Variants in IMMP2L observed in about 807,000 individuals in gnomAD.
IMMP2L encodes the protein inner mitochondrial membrane peptidase subunit 2.
Under a neutral mutation model 19.3 loss-of-function variants are expected in IMMP2L, and 18 were observed. The ratio of observed to expected loss-of-function variants is 0.93; its 90% CI spans 0.64 to 1.38. IMMP2L has a LOEUF of 1.38. Ranked by LOEUF, IMMP2L falls within the 40% of genes most tolerant of loss-of-function variation. The pLI is 0.00. For missense variants in IMMP2L, 233 were observed against 218.2 expected (o/e 1.07, Z -0.43); for synonymous variants, 76 against 73.0 (o/e 1.04, Z -0.21).
At chr7:111,403,974 C>T (rs943167477) in intron 3 of IMMP2L, among the ~76,000 whole-genome samples, 3 of 151,922 alleles carry the variant, frequency 2.0e-5, no homozygotes, top group South Asian at 4.2e-4. Context: ...TTGGAACAAC[C>T]CCCCCACAAA....
chr7:111,419,451 G>A (rs996338428), intron 3 of IMMP2L, among the ~76,000 whole-genome samples: 1 of 151,580 alleles, frequency 6.6e-6, no homozygotes, highest in African/African-American at 2.4e-5. Flanking sequence ...GAACTGCTTA[G>A]GACAAACCTG....
At chr7:110,985,802 T>C (rs1235509837) in intron 3 of IMMP2L, among the ~76,000 whole-genome samples, 5 of 152,070 alleles carry the variant, frequency 3.3e-5, no homozygotes, top group African/African-American at 1.2e-4. Context: ...TTGACAGAAA[T>C]TGAATGTCAT....
At chr7:111,192,278 A>C (rs2129613277) in intron 3 of IMMP2L, among the ~76,000 whole-genome samples, 1 of 152,252 alleles carries the variant, frequency 6.6e-6, no homozygotes, top group Middle Eastern at 3.4e-3. Context: ...TCAAGGCCAA[A>C]TATTTAAAAT....
rs214462 is a variant in IMMP2L, at chr7:111,213,923, G to C, written c.240-250358C>G. Among the ~76,000 whole-genome samples, 70,879 of 151,882 alleles carry C rather than the reference G, an allele frequency of 0.47. 16,904 individuals carry two copies. Among genetic ancestry groups the C allele is most frequent in the Non-Finnish European group, 0.52 (35,452 of 67,934 alleles). On this transcript the variant is annotated intron_variant, in intron 3 of 5. Coordinates refer to ENST00000405709, the MANE Select transcript of IMMP2L (RefSeq NM_032549.4). This position sits in a 1 kb window ranked among gnomAD's most constrained non-coding sequence, Gnocchi z 4.8. ...GTACCCCCTGTATCTAAGATAAAAG[G>C]TGATTTAAAAAAATAAGACCCAAGT...
intron 3 of IMMP2L, among the ~76,000 whole-genome samples, chr7:111,333,963 C>T (rs1218810728): frequency 6.6e-6 from 1 of 152,042 alleles, no homozygotes; most frequent in Non-Finnish European, 1.5e-5. Flanking sequence ...AACCCTGATA[C>T]ACTCTTCAAC....
chr7:110,802,716 A>G (rs1528039), intron 5 of IMMP2L, among the ~76,000 whole-genome samples: 37,572 of 151,928 alleles, frequency 0.25, 5,063 homozygotes, highest in African/African-American at 0.35. Flanking sequence ...CTCTCTTTAA[A>G]GCACAACTAT....
At chr7:110,724,383 T>G (rs1268414707) in intron 5 of IMMP2L, 1 of 152,164 alleles carries the variant, frequency 6.6e-6, no homozygotes, top group Non-Finnish European at 1.5e-5. Flanking sequence ...GCCAATGCCT[T>G]AACTTCCAAA....
At chr7:110,982,062 A>G (rs1463406605) in intron 3 of IMMP2L, among the ~76,000 whole-genome samples, 3 of 152,154 alleles carry the variant, frequency 2.0e-5, no homozygotes, top group Non-Finnish European at 4.4e-5. Context: ...TTTTTCAAAG[A>G]CTTTTTAAAT....
chr7:111,047,837 C>T (rs1792559851), intron 3 of IMMP2L, among the ~76,000 whole-genome samples: 1 of 152,170 alleles, frequency 6.6e-6, no homozygotes, highest in African/African-American at 2.4e-5. Flanking sequence ...AAACAAGATA[C>T]ATGTGCATTG....
chr7:111,126,288 T>C (rs1019022716), intron 3 of IMMP2L, among the ~76,000 whole-genome samples: 1 of 152,132 alleles, frequency 6.6e-6, no homozygotes, highest in African/African-American at 2.4e-5. Flanking sequence ...GGAAACAACA[T>C]GTTTCAGTCC....
chr7:111,519,651 G>A (rs1260474739), intron 2 of IMMP2L, among the ~76,000 whole-genome samples: 6 of 151,996 alleles, frequency 3.9e-5, no homozygotes, highest in Non-Finnish European at 8.8e-5. Context: ...AGCAAGACCT[G>A]TATCTTATAT....
intron 5 of IMMP2L, among the ~76,000 whole-genome samples, chr7:110,680,249 C>T (rs7811321): frequency 0.054 from 8,279 of 152,072 alleles, 280 homozygotes; most frequent in Middle Eastern, 0.13. Flanking sequence ...TTTTCTCAAC[C>T]GTGTTTTTCA....
chr7:111,064,145 C>T (rs1188841725), intron 3 of IMMP2L, among the ~76,000 whole-genome samples: 3 of 152,302 alleles, frequency 2.0e-5, no homozygotes, highest in African/African-American at 7.2e-5. Context: ...GAAGACAACA[C>T]AATCACACGG....
chr7:110,718,670 G>C (rs1056449043), intron 5 of IMMP2L, among the ~76,000 whole-genome samples: 2 of 152,126 alleles, frequency 1.3e-5, no homozygotes, highest in Admixed American at 6.5e-5. Context: ...CATTTGAACA[G>C]CAAGGGGAAT....
intron 3 of IMMP2L, among the ~76,000 whole-genome samples, chr7:111,054,445 A>G (rs1793306530): frequency 6.6e-6 from 1 of 152,216 alleles, no homozygotes; most frequent in South Asian, 2.1e-4. Flanking sequence ...CAGTCTTTAC[A>G]AGATACAATT....
chr7:110,910,510 T>A (rs954026209), intron 4 of IMMP2L, among the ~76,000 whole-genome samples: 2 of 152,164 alleles, frequency 1.3e-5, no homozygotes, highest in African/African-American at 4.8e-5. Context: ...AATAGAAGCG[T>A]TGAATTTTGA....
chr7:111,191,465 CACACACACAA>C (rs886900969), intron 3 of IMMP2L, among the ~76,000 whole-genome samples: 2 of 99,790 alleles, frequency 2.0e-5, no homozygotes, highest in African/African-American at 6.0e-5. Flanking sequence ...CACACACACA[CACACACACAA>C]AACTTATATG....
chr7:110,732,312 T>G (rs530606702), intron 5 of IMMP2L, among the ~76,000 whole-genome samples: 1 of 152,224 alleles, frequency 6.6e-6, no homozygotes, highest in Non-Finnish European at 1.5e-5. Flanking sequence ...CCATTGATTA[T>G]TAGTAATAGC....
intron 3 of IMMP2L, among the ~76,000 whole-genome samples, chr7:111,413,897 G>A (rs1834702092): frequency 6.6e-6 from 1 of 151,718 alleles, no homozygotes; most frequent in African/African-American, 2.4e-5. Flanking sequence ...TTGTTCTCCT[G>A]TTTTTCTTAT....
Sources: allele counts gnomAD v4.1 joint callset (sites outside exome capture counted in the v4.1 genomes callset), GRCh38; gene constraint gnomAD v4.1.1; non-coding constraint Gnocchi (gnomAD v3.1); transcripts MANE v1.5; gene names NCBI Gene and HGNC (gene_info 2026-07-23, HGNC 2026-07-21).